Variants in USP22 observed in about 807,000 individuals in gnomAD.
USP22 encodes ubiquitin specific peptidase 22, also known as ubiquitin carboxyl-terminal hydrolase 22.
A neutral mutation model predicts 68.1 loss-of-function variants in USP22; 22 were observed. The observed-to-expected ratio is 0.32, with a 90% CI of 0.23 to 0.46. The LOEUF (loss-of-function observed/expected upper bound fraction) is 0.46. USP22 is among the 20% of genes least tolerant of loss of function. The pLI, the probability that USP22 is intolerant of heterozygous loss-of-function variation, is 1.00. For missense variants in USP22, 433 were observed against 695.8 expected (o/e 0.62, Z 4.25); for synonymous variants, 279 against 274.2 (o/e 1.02, Z -0.17).
intron 2 of USP22, among the ~76,000 whole-genome samples, chr17:21,026,234 T>C (rs777875496): frequency 1.1e-4 from 17 of 152,192 alleles, no homozygotes; most frequent in African/African-American, 3.1e-4. Context: ...CAGCATGATA[T>C]TGAGGTGACA....
chr17:21,034,602 T>G (rs1238995696), intron 1 of USP22, among the ~76,000 whole-genome samples: 1 of 152,208 alleles, frequency 6.6e-6, no homozygotes, highest in Admixed American at 6.5e-5. Flanking sequence ...ACCATCCCTT[T>G]GTCCAGCTTC....
chr17:21,018,415 G>A (rs899982315), intron 4 of USP22: 3 of 201,442 alleles, frequency 1.5e-5, no homozygotes, highest in Non-Finnish European at 1.9e-5. Context: ...AAACAAAACA[G>A]GTTTTTAAAA....
chr17:21,011,569 C>T, intron 7 of USP22: 1 of 442,376 alleles, frequency 2.3e-6, no homozygotes, highest in Non-Finnish European at 4.1e-6. Flanking sequence ...AGTCTGGAGA[C>T]CATCACAGTC....
intron 12 of USP22, among the ~76,000 whole-genome samples, chr17:21,003,569 C>T (rs1475984943): frequency 6.6e-6 from 1 of 152,138 alleles, no homozygotes; most frequent in Non-Finnish European, 1.5e-5. Context: ...TTTCTCTATG[C>T]CATGAAGGAA....
chr17:21,043,016 G>T (rs943254278), upstream of USP22: 3 of 313,978 alleles, frequency 9.6e-6, no homozygotes, highest in Non-Finnish European at 1.7e-5. Context: ...TGCAAGGCAG[G>T]CACCGCCCCC....
chr17:21,030,931 G>C (rs7212424), intron 1 of USP22, among the ~76,000 whole-genome samples: 2,614 of 152,244 alleles, frequency 0.017, 60 homozygotes, highest in African/African-American at 0.058. Context: ...ACTGTATTGC[G>C]CTTATGTAGG....
At chr17:21,029,325 CAGAAATGAGTAAG>C (rs1445246024) in intron 1 of USP22, among the ~76,000 whole-genome samples, 1 of 152,116 alleles carries the variant, frequency 6.6e-6, no homozygotes, top group East Asian at 1.9e-4. Context: ...AATTCGAGCA[CAGAAATGAGTAAG>C]AGGAATTATT....
At chr17:21,037,945 G>A (rs1972377498) in intron 1 of USP22, among the ~76,000 whole-genome samples, 1 of 152,178 alleles carries the variant, frequency 6.6e-6, no homozygotes, top group Admixed American at 6.5e-5. Context: ...ACACCAGTAT[G>A]TCAATCTACA....
intron 1 of USP22, among the ~76,000 whole-genome samples, chr17:21,030,593 C>CG (rs1567592231): frequency 6.6e-6 from 1 of 152,194 alleles, no homozygotes; most frequent in East Asian, 1.9e-4. Flanking sequence ...AACAACATGG[C>CG]GGCGCCTGTG....
At chr17:21,022,825 A>C (rs534680582) in intron 2 of USP22, among the ~76,000 whole-genome samples, 1 of 151,392 alleles carries the variant, frequency 6.6e-6, no homozygotes, top group Admixed American at 6.6e-5. Context: ...CAAATGAACC[A>C]GGATTACCTA....
At position 21,042,755 on chromosome 17, in the gene USP22, G is replaced by T; in HGVS notation, c.81C>A (p.Gly27=). The T allele has an allele frequency of 6.7e-7, 1 of 1,498,834 alleles. No individual in the cohort carries two copies. The allele number at this position is 1,498,834 out of a possible 1,614,324, so 92.8% of individuals were successfully genotyped here. A position where few individuals can be genotyped will look rare whatever the true frequency, so the allele number is the denominator to read the frequency against. Residue 27 remains glycine (G), a synonymous_variant, in exon 1 of 13, where the codon GGC becomes GGA. Transcript: ENST00000261497. ...AVAPPGCSHL[G]SFKVDNWKQN... ...GCTTCCAGTTGTCCACCTTGAAGCT[G>T]CCCAGGTGCGAGCAGCCCGGCGGCG... is the stretch of plus-strand genomic sequence containing the variant.
intron 1 of USP22, among the ~76,000 whole-genome samples, chr17:21,033,883 G>C (rs184490286): frequency 6.6e-6 from 1 of 151,922 alleles, no homozygotes; most frequent in Admixed American, 6.6e-5. Context: ...CGAGTATCTG[G>C]GACTACGGGC....
intron 4 of USP22, 150 bp downstream of exon 4, chr17:21,018,934 T>TGCTCAA: frequency 1.3e-6 from 1 of 746,298 alleles, no homozygotes; most frequent in Non-Finnish European, 2.2e-6. Flanking sequence ...AGAGAACAGG[T>TGCTCAA]GCTCAAGAGC....
chr17:21,038,680 T>A (rs184647441), intron 1 of USP22, among the ~76,000 whole-genome samples: 18 of 146,858 alleles, frequency 1.2e-4, no homozygotes, highest in East Asian at 4.0e-4. Flanking sequence ...AAAAAAAAAA[T>A]ACATAAAAAA....
chr17:21,003,187 C>T, intron 12 of USP22, 114 bp from the exon 13 acceptor site: 1 of 1,298,304 alleles, frequency 7.7e-7, no homozygotes, highest in South Asian at 1.2e-5. Flanking sequence ...GTCGGCCAGG[C>T]CCGAGTTGAT....
At position 21,026,312 on chromosome 17, in the gene USP22, C is replaced by T. The variant is rs182918675; in HGVS notation, c.304+2230G>A. On this transcript the variant is annotated intron_variant, in intron 2 of 12. Coordinates refer to ENST00000261497, the MANE Select transcript of USP22 (RefSeq NM_015276.2). Reference sequence around the variant, plus strand: ...TCATAGAAGATACAGGTATGTTTTGCCTTAAATCGTCTCACTTCTTTTTTA... The same window carrying T: ...TCATAGAAGATACAGGTATGTTTTGTCTTAAATCGTCTCACTTCTTTTTTA... Among the ~76,000 whole-genome samples, 16 of 152,186 alleles carry T rather than the reference C, an allele frequency of 1.1e-4. No individual in the cohort carries two copies. In the East Asian group the frequency reaches 2.5e-3, roughly 24 times the overall value.
intron 1 of USP22, among the ~76,000 whole-genome samples, chr17:21,031,371 T>C (rs1308532802): frequency 6.6e-6 from 1 of 152,256 alleles, no homozygotes; most frequent in African/African-American, 2.4e-5. Context: ...CGTGGATGAA[T>C]CTCAGAAACC....
At chr17:21,036,816 G>A (rs1269108019) in intron 1 of USP22, among the ~76,000 whole-genome samples, 1 of 152,164 alleles carries the variant, frequency 6.6e-6, no homozygotes, top group Non-Finnish European at 1.5e-5. Context: ...ATACACACCT[G>A]TTTCCCAGCT....
intron 3 of USP22, among the ~76,000 whole-genome samples, chr17:21,020,244 C>CAAAAAAAAAAAAAAAAACAAAAAA: frequency 1.4e-5 from 1 of 73,254 alleles, no homozygotes. Context: ...AATCAAAAAC[C>CAAAAAAAAAAAAAAAAACAAAAAA]AAAAAAAAAA....
Sources: gnomAD v4.1 joint callset for allele counts (sites outside exome capture counted in the v4.1 genomes callset) on GRCh38, gnomAD v4.1.1 for gene constraint, MANE v1.5 for transcripts, NCBI Gene and HGNC (gene_info 2026-07-23, HGNC 2026-07-21) for gene names.